The following UBASH3B variants were observed in gnomAD, a reference collection of about 807,000 sequenced individuals.
The protein encoded by UBASH3B is ubiquitin associated and SH3 domain containing B, also known as ubiquitin-associated and SH3 domain-containing protein B.
Under a neutral mutation model 83.4 loss-of-function variants are expected in UBASH3B, and 37 were observed. The ratio of observed to expected loss-of-function variants is 0.44; its 90% CI spans 0.34 to 0.58. The LOEUF (loss-of-function observed/expected upper bound fraction) is 0.58, where lower values mean the gene tolerates loss of function less well. Ranked by LOEUF, UBASH3B falls within the 20% of genes least tolerant of loss-of-function variation. The pLI is 0.01. For missense variants in UBASH3B, 657 were observed against 827.2 expected, an observed-to-expected ratio of 0.79 and a Z score of 2.52; for synonymous variants, 304 against 318.3, an observed-to-expected ratio of 0.96 and a Z score of 0.48.
intron 1 of UBASH3B, among the ~76,000 whole-genome samples, chr11:122,727,219 T>C (rs1369458681): frequency 6.6e-6 from 1 of 152,120 alleles, no homozygotes; most frequent in African/African-American, 2.4e-5. Context: ...TGTTGCAGAG[T>C]TCTTTCGTTT....
chr11:122,699,441 T>C (rs889147764), intron 1 of UBASH3B, among the ~76,000 whole-genome samples: 1 of 152,258 alleles, frequency 6.6e-6, no homozygotes, highest in African/African-American at 2.4e-5. Context: ...TGGATAATAT[T>C]ATCCACCTTC....
At chr11:122,777,914 G>T (rs1180590176) in intron 3 of UBASH3B, among the ~76,000 whole-genome samples, 1 of 151,846 alleles carries the variant, frequency 6.6e-6, no homozygotes, top group Non-Finnish European at 1.5e-5. Context: ...ATTTTTAGTA[G>T]AGACGGGGTT....
chr11:122,774,964 C>A (rs1220138355), intron 1 of UBASH3B, among the ~76,000 whole-genome samples: 2 of 152,110 alleles, frequency 1.3e-5, no homozygotes, highest in Non-Finnish European at 2.9e-5. Flanking sequence ...TTAGATCTCC[C>A]TGTCCTATGT....
rs750543954 is a variant in UBASH3B, at chr11:122,783,074, A to C, written c.623A>C (p.Lys208Thr). 2 of 1,612,812 alleles carry C rather than the reference A, an allele frequency of 1.2e-6. No homozygotes were observed. Among genetic ancestry groups the C allele is most frequent in the South Asian group, 2.2e-5 (2 of 90,902 alleles). Residue 208 changes from lysine to threonine, a missense_variant, in exon 5 of 14, where the codon AAG becomes ACG. Coordinates refer to ENST00000284273, the MANE Select transcript of UBASH3B (RefSeq NM_032873.5). ...CCAGAAGTGCATGTGGAACCTCATA[A>C]GAAGCAGCTACATGTGACCCTGGCT... is the stretch of plus-strand genomic sequence containing the variant. ...SKTEVHVEPH[K>T]KQLHVTLAYH...
At chr11:122,730,628 T>A (rs1414117584) in intron 1 of UBASH3B, among the ~76,000 whole-genome samples, 5 of 151,298 alleles carry the variant, frequency 3.3e-5, no homozygotes, top group Non-Finnish European at 7.4e-5. Context: ...AGAGTTTTGC[T>A]CTTGTTGCCC....
rs183822839 is a variant in UBASH3B at position 122,680,900 on chromosome 11, T to C, written c.161+24690T>C. ...TTTCTGATATGTTGCAAATGGTTAG[T>C]TAAGGGCTTTTTAATGTCAGAGCTG... On this transcript the variant is annotated intron_variant, in intron 1 of 13. Coordinates refer to ENST00000284273, the MANE Select transcript of UBASH3B (RefSeq NM_032873.5). Among the ~76,000 whole-genome samples, 554 of 152,272 alleles carry C rather than the reference T, an allele frequency of 3.6e-3. 4 individuals are homozygous for C. The highest frequency in any genetic ancestry group is 0.013 in the African/African-American group (533 of 41,550).
At chr11:122,679,666 T>C (rs1410706815) in intron 1 of UBASH3B, among the ~76,000 whole-genome samples, 3 of 152,216 alleles carry the variant, frequency 2.0e-5, no homozygotes, top group Non-Finnish European at 2.9e-5. Context: ...GTCTCCATGG[T>C]GGCTACTCAG....
At chr11:122,797,884 A>C (rs1861181983) in intron 9 of UBASH3B, among the ~76,000 whole-genome samples, 1 of 152,176 alleles carries the variant, frequency 6.6e-6, no homozygotes, top group Admixed American at 6.6e-5. Context: ...TAGAGTATAA[A>C]TTGTGAGGCA....
At chr11:122,793,965 C>T (rs1261857407) in intron 6 of UBASH3B, among the ~76,000 whole-genome samples, 3 of 152,172 alleles carry the variant, frequency 2.0e-5, no homozygotes, top group Non-Finnish European at 4.4e-5. Context: ...CCCCCCATCA[C>T]TCTTCACTTC....
chr11:122,762,607 C>T (rs1276885109), intron 1 of UBASH3B, among the ~76,000 whole-genome samples: 2 of 152,220 alleles, frequency 1.3e-5, no homozygotes, highest in Non-Finnish European at 2.9e-5. Flanking sequence ...TCTAAACTCC[C>T]CTGCCTGGCT....
intron 1 of UBASH3B, among the ~76,000 whole-genome samples, chr11:122,695,427 G>C (rs1018243841): frequency 1.3e-5 from 2 of 152,160 alleles, no homozygotes; most frequent in Non-Finnish European, 2.9e-5. Context: ...GCAGGCTGGT[G>C]AGCATATGCA....
chr11:122,800,561 AT>A (rs201001434), intron 10 of UBASH3B, among the ~76,000 whole-genome samples: 5 of 152,016 alleles, frequency 3.3e-5, no homozygotes, highest in East Asian at 3.9e-4. Context: ...ATCAAAAAAA[AT>A]AATAATAATA....
At chr11:122,686,250 G>A (rs1366428767) in intron 1 of UBASH3B, among the ~76,000 whole-genome samples, 1 of 152,234 alleles carries the variant, frequency 6.6e-6, no homozygotes, top group African/African-American at 2.4e-5. Context: ...GGAGCTGAGA[G>A]AAGCAGGTTT....
intron 6 of UBASH3B, among the ~76,000 whole-genome samples, chr11:122,790,478 A>G (rs1861034457): frequency 6.6e-6 from 1 of 152,216 alleles, no homozygotes; most frequent in East Asian, 1.9e-4. Context: ...ATCAAAATAT[A>G]TAAGCTGGGT....
Position 122,810,034 on chromosome 11 carries a change from G to A in UBASH3B, c.*148G>A. ...TTCACACTTAAAGTTCTTAAGATGA[G>A]ACTGTGTAAATGAGAGAAAGACTTG... On this transcript the variant is annotated 3_prime_UTR_variant, in exon 14 of 14. Coordinates refer to ENST00000284273, the MANE Select transcript of UBASH3B (RefSeq NM_032873.5). 1.0e-6 allele frequency: 1 copy of A among 968,682 alleles called. No individual in the cohort carries two copies. Among genetic ancestry groups the A allele is most frequent in the Non-Finnish European group, 1.5e-6 (1 of 669,254 alleles). 60.0% of individuals were successfully genotyped at this position (968,682 alleles called of 1,614,324 possible).
chr11:122,774,492 A>G (rs894150428), intron 1 of UBASH3B, among the ~76,000 whole-genome samples: 8 of 152,134 alleles, frequency 5.3e-5, no homozygotes, highest in African/African-American at 1.2e-4. Context: ...CTTTGTGTCA[A>G]ATGAAGAAGT....
In UBASH3B at chr11:122,777,092, G is replaced by T; in HGVS notation, c.284G>T (p.Arg95Leu). The change falls in exon 3 of 14, where the codon CGT becomes CTT. Residue 95 changes from arginine (R) to leucine (L), a missense_variant. Physicochemically the swap from Arg to Leu is moderately radical, Grantham distance 102. Around this residue, in one of 3 missense-constraint regions of UBASH3B, gnomAD observed 573 missense variants for 739.0 expected, o/e 0.78. Coordinates refer to ENST00000284273, the MANE Select transcript of UBASH3B (RefSeq NM_032873.5). ...PLPREYVLYLRPTGPLAQKLS... is the reference protein window; with the variant it reads ...PLPREYVLYLLPTGPLAQKLS... ...CCCCGGGAGTACGTCCTCTACCTCC[G>T]TCCCACCGGCCCCTTAGCACAGAAG... 1 of 1,613,866 alleles carries T rather than the reference G, an allele frequency of 6.2e-7. No individual in the cohort carries two copies. The highest frequency in any genetic ancestry group is 1.3e-5 in the African/African-American group (1 of 74,942).
chr11:122,670,694 G>T (rs1277702317), intron 1 of UBASH3B, among the ~76,000 whole-genome samples: 1 of 152,132 alleles, frequency 6.6e-6, no homozygotes, highest in Non-Finnish European at 1.5e-5. Context: ...CTTCTGGTAA[G>T]AGTGTGTTTC....
At chr11:122,764,992 A>C (rs1299701110) in intron 1 of UBASH3B, among the ~76,000 whole-genome samples, 3 of 151,744 alleles carry the variant, frequency 2.0e-5, no homozygotes, top group African/African-American at 4.9e-5. Context: ...AAAGCCTAGA[A>C]GCAAGTCAGT....
Sources: gnomAD v4.1 joint callset for allele counts (sites outside exome capture counted in the v4.1 genomes callset) on GRCh38, gnomAD v4.1.1 for gene constraint, gnomAD v4.1.1 regional missense constraint, MANE v1.5 for transcripts, NCBI Gene and HGNC (gene_info 2026-07-23, HGNC 2026-07-21) for gene names.